Variants in GPR149 observed in about 807,000 individuals in gnomAD.
GPR149 encodes the protein probable G protein-coupled receptor 149.
GPR149 carries 50 observed loss-of-function variants against 50.2 expected under a neutral mutation model. The observed-to-expected ratio is 1.00, with a 90% CI of 0.79 to 1.26. GPR149 has a LOEUF of 1.26. GPR149 is among the 50% of genes most tolerant of loss of function. The pLI, the probability that GPR149 is intolerant of heterozygous loss-of-function variation, is 0.00. For synonymous variants in GPR149, 405 were observed against 358.2 expected (o/e 1.13, Z -1.48); for missense variants, 983 against 895.4 (o/e 1.10, Z -1.25).
rs2108381651 is a variant in GPR149 at position 154,337,894 on chromosome 3, C to T, written c.2001G>A (p.Gly667=). 1.2e-6 allele frequency: 2 copies of T among 1,613,086 alleles called. No homozygotes were observed. The highest frequency in any genetic ancestry group is 2.2e-5 in the East Asian group (1 of 44,864). The change falls in exon 4 of 4, where the codon GGG becomes GGA. Residue 667 remains glycine (G), a synonymous_variant. Transcript: ENST00000389740. ...AAAAGAGGGAGTATGAGGCTGTTTC[C>T]CCTAGGTCACATGAAACAAATCTGT... ...KENRFVSCDL[G]ETASYSLFLP... is the part of the protein sequence containing the mutation.
rs1175383954 is a variant in GPR149, at chr3:154,391,466, G to T, written c.1623+29573C>A. ...CATACAGAAGAGCCATAAAAAAAGAGAAGGAAATCAAAGTATAGCAATAAA... is the reference window on the plus strand; with the variant it reads ...CATACAGAAGAGCCATAAAAAAAGATAAGGAAATCAAAGTATAGCAATAAA... On this transcript the variant is annotated intron_variant, in intron 3 of 3. Transcript: ENST00000389740. 4.6e-5 allele frequency among the ~76,000 whole-genome samples: 7 copies of T among 151,588 alleles called. No individual in the cohort carries two copies. In the East Asian group the frequency reaches 1.4e-3, roughly 29 times the overall value.
intron 3 of GPR149, among the ~76,000 whole-genome samples, chr3:154,362,975 G>A (rs921742319): frequency 6.6e-6 from 1 of 152,164 alleles, no homozygotes; most frequent in Non-Finnish European, 1.5e-5. Flanking sequence ...ATGCACATTA[G>A]CAGATAATCT....
chr3:154,358,875 G>A (rs994382243), intron 3 of GPR149, among the ~76,000 whole-genome samples: 1 of 152,042 alleles, frequency 6.6e-6, no homozygotes, highest in African/African-American at 2.4e-5. Flanking sequence ...ATGGGTGTTT[G>A]TATATATAAT....
At chr3:154,382,037 A>AT (rs928972314) in intron 3 of GPR149, among the ~76,000 whole-genome samples, 3 of 152,266 alleles carry the variant, frequency 2.0e-5, no homozygotes, top group African/African-American at 4.8e-5. Flanking sequence ...GCCAGAGAAG[A>AT]TTTTTTTCTA....
chr3:154,423,206 C>T (rs1438468815), intron 2 of GPR149, among the ~76,000 whole-genome samples: 7 of 151,794 alleles, frequency 4.6e-5, no homozygotes, highest in African/African-American at 1.7e-4. Flanking sequence ...TGTGATAGAA[C>T]ATTCTGAGGC....
chr3:154,368,832 T>C (rs1714598978), intron 3 of GPR149, among the ~76,000 whole-genome samples: 1 of 152,218 alleles, frequency 6.6e-6, no homozygotes, highest in Admixed American at 6.5e-5. Context: ...GACAGTTTTA[T>C]GGCCAGGCCC....
intron 3 of GPR149, among the ~76,000 whole-genome samples, chr3:154,358,831 T>C (rs1157346703): frequency 1.3e-5 from 2 of 152,308 alleles, no homozygotes; most frequent in South Asian, 4.1e-4. Flanking sequence ...GATATGGTCA[T>C]ATACAGGGAT....
At position 154,427,547 on chromosome 3, in the gene GPR149, G is replaced by A; in HGVS notation, c.1143C>T (p.Asn381=). 3.1e-6 allele frequency: 5 copies of A among 1,613,504 alleles called. No homozygotes were observed. Among genetic ancestry groups the A allele is most frequent in the Non-Finnish European group, 4.2e-6 (5 of 1,179,812 alleles). ...PCGCIINCRQ[N]AYAVASDGKK... ...TCCCATCGGACGCCACTGCATATGCGTTCTGCCTGCAGTTGATGATGCAGC... is the reference window on the plus strand; with the variant it reads ...TCCCATCGGACGCCACTGCATATGCATTCTGCCTGCAGTTGATGATGCAGC... Residue 381 remains asparagine, a synonymous_variant, in exon 2 of 4, where the codon AAC becomes AAT. Transcript: ENST00000389740.
chr3:154,353,073 T>A, intron 3 of GPR149: 1 of 1,419,898 alleles, frequency 7.0e-7, no homozygotes, highest in South Asian at 1.1e-5. Flanking sequence ...CTGTGCAATA[T>A]CCCCATGTAA....
At chr3:154,347,534 A>C (rs1469171646) in intron 3 of GPR149, among the ~76,000 whole-genome samples, 1 of 152,230 alleles carries the variant, frequency 6.6e-6, no homozygotes, top group Admixed American at 6.5e-5. Context: ...CTACAATTCA[A>C]GATGAGATTT....
At chr3:154,344,706 C>A (rs1713881765) in intron 3 of GPR149, among the ~76,000 whole-genome samples, 2 of 152,080 alleles carry the variant, frequency 1.3e-5, no homozygotes. Flanking sequence ...TGTCACCAGT[C>A]AAGGAACACC....
rs570125444 is a variant in GPR149, at chr3:154,422,362, T to C, written c.1175-875A>G. Among the ~76,000 whole-genome samples, 4 of 151,840 alleles carry C rather than the reference T, an allele frequency of 2.6e-5. No homozygotes were observed. In the South Asian group the frequency reaches 8.3e-4, roughly 32 times the overall value. ...CATTAAATGCTAGATAAGTTTTATA[T>C]ATTAAGAATGAAGTTATATCAAGGT... On this transcript the variant is annotated intron_variant, in intron 2 of 3. Transcript: ENST00000389740.
At position 154,352,923 on chromosome 3, in the gene GPR149, G is replaced by A. The variant is rs1331891284; in HGVS notation, c.1624-14652C>T. On this transcript the variant is annotated intron_variant, in intron 3 of 3. Coordinates refer to ENST00000389740, the MANE Select transcript of GPR149 (RefSeq NM_001038705.3). Reference sequence around the variant, plus strand: ...TGTGCATCCAGAGCGATGGATACGGGCCTCAACATCCTGAGGAGGAGAATG... The same window carrying A: ...TGTGCATCCAGAGCGATGGATACGGACCTCAACATCCTGAGGAGGAGAATG... The A allele has an allele frequency of 6.8e-6, 6 of 876,750 alleles. No individual in the cohort carries two copies. The African/African-American group carries it at 8.2e-5, about 12-fold the overall frequency. 54.3% of individuals were successfully genotyped at this position (876,750 alleles called of 1,614,324 possible).
intron 3 of GPR149, among the ~76,000 whole-genome samples, chr3:154,360,535 T>C (rs1010784861): frequency 4.6e-5 from 7 of 152,306 alleles, no homozygotes; most frequent in African/African-American, 1.7e-4. Context: ...GTTAAGTATG[T>C]TTTTCAAGGT....
rs1559991074 is a variant in GPR149 at position 154,421,155 on chromosome 3, C to T, written c.1507G>A (p.Glu503Lys). 2 of 1,613,442 alleles carry T rather than the reference C, an allele frequency of 1.2e-6. No homozygotes were observed. Residue 503 changes from glutamate (E) to lysine (K), a missense_variant, in exon 3 of 4, where the codon GAA becomes AAA. By Grantham distance (56) the Glu-to-Lys change is moderately conservative. Transcript: ENST00000389740. Reference sequence around the variant, plus strand: ...GGCCCTTCAGAAAAGGTAGTTTCTTCATAGTTAATATCACCTCCTGTTTTG... The same window carrying T: ...GGCCCTTCAGAAAAGGTAGTTTCTTTATAGTTAATATCACCTCCTGTTTTG... ...SDKTGGDINY[E>K]ETTFSEGPER...
chr3:154,400,087 C>T (rs369478270), intron 3 of GPR149, among the ~76,000 whole-genome samples: 2 of 152,064 alleles, frequency 1.3e-5, no homozygotes, highest in East Asian at 1.9e-4. Flanking sequence ...CCCGGGTTCA[C>T]GCCATTCTCC....
chr3:154,416,206 T>G (rs535734252), intron 3 of GPR149, among the ~76,000 whole-genome samples: 1 of 152,026 alleles, frequency 6.6e-6, no homozygotes, highest in African/African-American at 2.4e-5. Context: ...GTATATTAAA[T>G]AGAAAGAATT....
intron 3 of GPR149, among the ~76,000 whole-genome samples, chr3:154,362,317 G>C (rs1714428349): frequency 6.7e-6 from 1 of 148,460 alleles, no homozygotes. Flanking sequence ...AAATGACAGA[G>C]CTGTGATGTC....
intron 3 of GPR149, among the ~76,000 whole-genome samples, chr3:154,365,213 T>C (rs1714501991): frequency 1.3e-5 from 2 of 152,238 alleles, no homozygotes; most frequent in South Asian, 4.1e-4. Flanking sequence ...CTGGGAGCAG[T>C]TCACCAGAGT....
Sources: allele counts gnomAD v4.1 joint callset (sites outside exome capture counted in the v4.1 genomes callset), GRCh38; gene constraint gnomAD v4.1.1; transcripts MANE v1.5; gene names NCBI Gene and HGNC (gene_info 2026-07-23, HGNC 2026-07-21).